The following KMO variants were observed in gnomAD, a reference collection of about 807,000 sequenced individuals.
KMO encodes kynurenine 3-monooxygenase.
In KMO, 24 loss-of-function variants were observed where a neutral mutation model predicts 57.8. The observed-to-expected ratio is 0.42, with a 90% CI of 0.30 to 0.58. KMO has a LOEUF of 0.58. Ranked by LOEUF, KMO falls within the 20% of genes least tolerant of loss-of-function variation. The pLI, the probability that KMO is intolerant of heterozygous loss-of-function variation, is 0.22. For missense variants in KMO, 483 were observed against 588.2 expected, an observed-to-expected ratio of 0.82 and a Z score of 1.85; for synonymous variants, 210 against 193.6, an observed-to-expected ratio of 1.08 and a Z score of -0.70.
chr1:241,587,052 C>G (rs928667540), intron 11 of KMO, among the ~76,000 whole-genome samples: 7 of 152,170 alleles, frequency 4.6e-5, no homozygotes, highest in Non-Finnish European at 1.0e-4. Context: ...AGGTAACACC[C>G]TCTGCCTGCG....
At chr1:241,569,274 TCTAA>T (rs1216387243) in intron 10 of KMO, among the ~76,000 whole-genome samples, 2 of 151,230 alleles carry the variant, frequency 1.3e-5, no homozygotes, top group Admixed American at 6.6e-5. Flanking sequence ...ATTCATTCTA[TCTAA>T]CTATTTTTGT....
intron 4 of KMO, 135 bp downstream of exon 4, chr1:241,551,179 C>A: frequency 1.7e-6 from 1 of 589,382 alleles, no homozygotes; most frequent in Non-Finnish European, 3.0e-6. Flanking sequence ...CCCAGGAATA[C>A]AGATACTAGT....
At chr1:241,555,936 T>G (rs1049898134) in intron 5 of KMO, 2 of 267,002 alleles carry the variant, frequency 7.5e-6, no homozygotes, top group Non-Finnish European at 1.4e-5. Flanking sequence ...GAATAAAAAA[T>G]TAGCTGGGTG....
intron 10 of KMO, among the ~76,000 whole-genome samples, chr1:241,577,030 A>G (rs1662548412): frequency 6.6e-6 from 1 of 152,082 alleles, no homozygotes; most frequent in South Asian, 2.1e-4. Context: ...GCCTGTTGTT[A>G]AAATGTTCCA....
intron 7 of KMO, among the ~76,000 whole-genome samples, chr1:241,563,117 A>T (rs1661939385): frequency 6.6e-6 from 1 of 152,216 alleles, no homozygotes; most frequent in Non-Finnish European, 1.5e-5. Flanking sequence ...ATCAAATAAT[A>T]GTTATTAAAT....
intron 1 of KMO, among the ~76,000 whole-genome samples, chr1:241,542,810 A>C (rs1460644465): frequency 1.3e-5 from 2 of 152,082 alleles, no homozygotes; most frequent in Non-Finnish European, 2.9e-5. Context: ...CCACTTATAT[A>C]TTTCTGTCTT....
At chr1:241,536,129 A>C (rs1337523208) in intron 1 of KMO, among the ~76,000 whole-genome samples, 1 of 152,080 alleles carries the variant, frequency 6.6e-6, no homozygotes, top group African/African-American at 2.4e-5. Context: ...TTTTTAACAC[A>C]ATTATGTCAT....
chr1:241,545,144 A>G (rs1232145580), intron 1 of KMO, among the ~76,000 whole-genome samples: 1 of 152,222 alleles, frequency 6.6e-6, no homozygotes, highest in Non-Finnish European at 1.5e-5. Flanking sequence ...CATTATTTAT[A>G]CACTGAACAA....
chr1:241,562,732 G>A (rs371097407), intron 7 of KMO, among the ~76,000 whole-genome samples: 43 of 152,206 alleles, frequency 2.8e-4, no homozygotes, highest in East Asian at 9.7e-4. Context: ...CCAGCTACTC[G>A]TGAGGCTGAG....
At chr1:241,558,855 G>C (rs1245231414) in intron 5 of KMO, among the ~76,000 whole-genome samples, 1 of 151,940 alleles carries the variant, frequency 6.6e-6, no homozygotes, top group African/African-American at 2.4e-5. Context: ...GCTCACACCT[G>C]TAATCCCAGC....
In KMO at chr1:241,594,501, T is replaced by G. The variant is rs749749644; in HGVS notation, c.*2348T>G. 3.1e-6 allele frequency: 5 copies of G among 1,613,708 alleles called. No individual in the cohort carries two copies. The highest frequency in any genetic ancestry group is 4.2e-6 in the Non-Finnish European group (5 of 1,179,706). ...GTCGCTGTCGTCAACTGACAGTGAT[T>G]CATCACTGGTGATGATAAAAATGAT... On this transcript the variant is annotated 3_prime_UTR_variant, in exon 15 of 15. Coordinates refer to ENST00000366559, the MANE Select transcript of KMO (RefSeq NM_003679.5).
At chr1:241,587,400 C>A (rs114932985) in intron 11 of KMO, among the ~76,000 whole-genome samples, 53 of 152,294 alleles carry the variant, frequency 3.5e-4, no homozygotes, top group Admixed American at 9.8e-4. Flanking sequence ...AGTCACCCTA[C>A]AACACATCCT....
At position 241,549,743 on chromosome 1, in the gene KMO, A is replaced by G; in HGVS notation, c.191A>G (p.Gln64Arg). 1 of 1,612,938 alleles carries G rather than the reference A, an allele frequency of 6.2e-7. No homozygotes were observed. The highest frequency in any genetic ancestry group is 8.5e-7 in the Non-Finnish European group (1 of 1,179,138). ...TTAGCCCTTTCTCATAGAGGACGAC[A>G]AGCCTTGAAAGCTGTTGGCCTGGAA... The part of the protein sequence containing the change: ...INLALSHRGR[Q>R]ALKAVGLEDQ... Residue 64 changes from glutamine to arginine, a missense_variant, in exon 3 of 15, where the codon CAA becomes CGA. Around this residue, in one of 3 missense-constraint regions of KMO, gnomAD observed 70 missense variants for 78.4 expected, o/e 0.89. Transcript: ENST00000366559.
At chr1:241,570,031 C>T (rs769514431) in intron 10 of KMO, among the ~76,000 whole-genome samples, 15 of 151,582 alleles carry the variant, frequency 9.9e-5, no homozygotes, top group South Asian at 2.1e-4. Context: ...TGAGAAATGC[C>T]GACTCAGATA....
intron 5 of KMO, among the ~76,000 whole-genome samples, chr1:241,557,352 A>G (rs1363711116): frequency 6.6e-6 from 1 of 152,146 alleles, no homozygotes; most frequent in Non-Finnish European, 1.5e-5. Context: ...TAATATTTCT[A>G]CTATCTTTTA....
At chr1:241,589,087 C>T (rs1663141168) in intron 12 of KMO, among the ~76,000 whole-genome samples, 1 of 152,220 alleles carries the variant, frequency 6.6e-6, no homozygotes, top group Non-Finnish European at 1.5e-5. Context: ...TGATAATTCA[C>T]ATGCTTTTAT....
intron 5 of KMO, among the ~76,000 whole-genome samples, chr1:241,557,456 A>G (rs2147956509): frequency 6.6e-6 from 1 of 152,348 alleles, no homozygotes; most frequent in Middle Eastern, 3.4e-3. Flanking sequence ...TCCTCAATAT[A>G]TCTACTGAAT....
chr1:241,566,881 T>C (rs1313137512), intron 9 of KMO, among the ~76,000 whole-genome samples: 1 of 152,184 alleles, frequency 6.6e-6, no homozygotes, highest in Non-Finnish European at 1.5e-5. Context: ...CTCAGGCTCC[T>C]TGGGGCTTGG....
intron 6 of KMO, among the ~76,000 whole-genome samples, chr1:241,561,456 C>T (rs1317663106): frequency 6.6e-6 from 1 of 152,214 alleles, no homozygotes; most frequent in African/African-American, 2.4e-5. Context: ...ACTCCCCAGT[C>T]TATCCTACTT....
Sources: gnomAD v4.1 joint callset for allele counts (sites outside exome capture counted in the v4.1 genomes callset) on GRCh38, gnomAD v4.1.1 for gene constraint, gnomAD v4.1.1 regional missense constraint, MANE v1.5 for transcripts, NCBI Gene and HGNC (gene_info 2026-07-23, HGNC 2026-07-21) for gene names.